Variants in SP100 observed in about 807,000 individuals in gnomAD.
SP100 encodes the protein SP100 nuclear body protein.
Under a neutral mutation model 130.0 loss-of-function variants are expected in SP100, and 84 were observed. The ratio of observed to expected loss-of-function variants is 0.65; its 90% CI spans 0.54 to 0.77. The LOEUF is 0.77. Among genes scored for constraint, SP100 ranks in the 30% least tolerant of loss-of-function variants. SP100 has a pLI of 0.00. For synonymous variants in SP100, 331 were observed against 351.7 expected, an observed-to-expected ratio of 0.94 and a Z score of 0.66; for missense variants, 978 against 1,052.2, an observed-to-expected ratio of 0.93 and a Z score of 0.97.
Position 230,464,136 on chromosome 2 carries a change from C to T in SP100, c.1127C>T (p.Pro376Leu), listed in dbSNP as rs1450944924. 2 of 1,607,510 alleles carry T rather than the reference C, an allele frequency of 1.2e-6. No homozygotes were observed. The highest frequency in any genetic ancestry group is 1.7e-6 in the Non-Finnish European group (2 of 1,174,092). Residue 376 changes from proline to leucine, a missense_variant, in exon 11 of 29, where the codon CCC becomes CTC. Physicochemically the swap from Pro to Leu is moderately conservative, Grantham distance 98. Coordinates refer to ENST00000340126, the MANE Select transcript of SP100 (RefSeq NM_001080391.2). ...KEGQEATCSR[P>L]QIVPEPMDFR... is the part of the protein sequence containing the mutation. The stretch of plus-strand genomic sequence containing the variant: ...GGCCAAGAAGCCACTTGCTCACGAC[C>T]CCAGATTGTACCAGGTAAGAATATT...
intron 24 of SP100, among the ~76,000 whole-genome samples, chr2:230,524,427 A>G (rs905682479): frequency 1.3e-5 from 2 of 151,856 alleles, no homozygotes; most frequent in Non-Finnish European, 2.9e-5. Flanking sequence ...CAAAATGATC[A>G]TTCTTTTAAT....
chr2:230,461,458 C>T, intron 9 of SP100, 44 bp downstream of exon 9: 1 of 1,601,776 alleles, frequency 6.2e-7, no homozygotes, highest in Non-Finnish European at 8.6e-7. Flanking sequence ...TCACAGGTTA[C>T]CAGGTAAGGG....
intron 13 of SP100, among the ~76,000 whole-genome samples, chr2:230,467,984 C>A (rs2065046146): frequency 6.6e-6 from 1 of 152,202 alleles, no homozygotes; most frequent in African/African-American, 2.4e-5. Context: ...AGATTCAATT[C>A]ATAGCTTTTG....
chr2:230,489,963 G>A (rs1316501436), intron 17 of SP100, among the ~76,000 whole-genome samples: 1 of 152,206 alleles, frequency 6.6e-6, no homozygotes, highest in Non-Finnish European at 1.5e-5. Context: ...TAAGTACCAT[G>A]TGACACTGAA....
At chr2:230,469,154 C>A in intron 14 of SP100, 58 bp downstream of exon 14, 1 of 1,071,740 alleles carries the variant, frequency 9.3e-7, no homozygotes, top group Non-Finnish European at 1.4e-6. Context: ...GCAAAAGCTA[C>A]ATTCACTTTT....
At chr2:230,469,909 C>G (rs1334124608) in intron 14 of SP100, 106 bp from the exon 15 acceptor site, 8 of 1,507,166 alleles carry the variant, frequency 5.3e-6, no homozygotes, top group Admixed American at 2.2e-5. Flanking sequence ...ACTATTTCTC[C>G]CCCTCCTCCA....
rs1165338209 is a variant in SP100, at chr2:230,542,003, C to T, written c.2515C>T (p.Leu839Phe). ...AGAAGGGTTTGTGCAGGACATGCGT[C>T]TCATCTTTCATAACCACAAGGAATT... ...RVEGFVQDMRLIFHNHKEFYR... is the reference protein window; with the variant it reads ...RVEGFVQDMRFIFHNHKEFYR... The change falls in exon 28 of 29, where the codon CTC becomes TTC. Residue 839 changes from leucine to phenylalanine, a missense_variant. By Grantham distance (22) the Leu-to-Phe change is conservative (BLOSUM62 0). Transcript: ENST00000340126. The T allele has an allele frequency of 6.2e-7, 1 of 1,614,042 alleles. No individual in the cohort carries two copies. The highest frequency in any genetic ancestry group is 1.7e-5 in the Admixed American group (1 of 60,016).
At chr2:230,491,659 G>T (rs1317832782) in intron 17 of SP100, among the ~76,000 whole-genome samples, 3 of 152,230 alleles carry the variant, frequency 2.0e-5, no homozygotes, top group Non-Finnish European at 2.9e-5. Context: ...GATCTTGTGA[G>T]AACTGACTAT....
At chr2:230,518,367 A>G (rs1033055161) in intron 24 of SP100, among the ~76,000 whole-genome samples, 2 of 151,964 alleles carry the variant, frequency 1.3e-5, no homozygotes, top group South Asian at 2.1e-4. Flanking sequence ...ATTTAGAATT[A>G]TATATATTAA....
chr2:230,435,017 C>G (rs1045246018), intron 2 of SP100, among the ~76,000 whole-genome samples: 6 of 152,146 alleles, frequency 3.9e-5, no homozygotes, highest in African/African-American at 1.4e-4. Flanking sequence ...TATTTCTATA[C>G]GATAGATTCC....
intron 13 of SP100, among the ~76,000 whole-genome samples, chr2:230,468,226 A>G (rs2065060340): frequency 6.6e-6 from 1 of 152,212 alleles, no homozygotes. Context: ...CTTAATAAAC[A>G]TTCATAATCC....
At chr2:230,431,246 C>T (rs1018870479) in intron 2 of SP100, among the ~76,000 whole-genome samples, 3 of 152,184 alleles carry the variant, frequency 2.0e-5, no homozygotes, top group Admixed American at 6.5e-5. Context: ...CCTCTGATTT[C>T]CTGTTTGTTT....
At chr2:230,514,996 T>A (rs1690822783) in intron 24 of SP100, 7 of 1,560,816 alleles carry the variant, frequency 4.5e-6, no homozygotes, top group Non-Finnish European at 6.0e-6. Context: ...GGCGACTCTG[T>A]ACCTTGCTGA....
At chr2:230,461,144 C>T (rs979226010) in intron 8 of SP100, 118 bp from the exon 9 acceptor site, 45 of 908,852 alleles carry the variant, frequency 5.0e-5, no homozygotes, top group East Asian at 5.2e-5. Flanking sequence ...AGGAAAAACA[C>T]GGAGGTGGGG....
chr2:230,449,017 A>G (rs2149921274), intron 5 of SP100, 71 bp from the exon 6 acceptor site: 1 of 972,054 alleles, frequency 1.0e-6, no homozygotes, highest in East Asian at 2.4e-5. Flanking sequence ...AGAGACCAAA[A>G]AGGGATTAGG....
chr2:230,458,254 AT>A (rs2149953193), intron 8 of SP100, among the ~76,000 whole-genome samples: 1 of 152,386 alleles, frequency 6.6e-6, no homozygotes, highest in South Asian at 2.1e-4. Flanking sequence ...TATGTGCTGT[AT>A]TCTCACAATG....
At position 230,460,914 on chromosome 2, in the gene SP100, C is replaced by T. The variant is rs1452979279; in HGVS notation, c.821-348C>T. Among the ~76,000 whole-genome samples the T allele has an allele frequency of 3.3e-4, 7 of 21,138 alleles. 3 individuals are homozygous for T. Among genetic ancestry groups the T allele is most frequent in the Admixed American group, 2.4e-3 (7 of 2,932 alleles). The allele number at this position is 21,138 out of a possible 152,430, so 13.9% of individuals were successfully genotyped here. A position where few individuals can be genotyped will look rare whatever the true frequency, so the allele number is the denominator to read the frequency against. ...CTGGGATTACAGGCGTGAGCCACCG[C>T]GCCCGGCCGGTAATCTGTTTCTTGA... On this transcript the variant is annotated intron_variant, in intron 8 of 28. Coordinates refer to ENST00000340126, the MANE Select transcript of SP100 (RefSeq NM_001080391.2).
chr2:230,462,499 A>G lies in SP100; in HGVS notation c.1038A>G (p.Ser346=), dbSNP rs2064710076. The G allele has an allele frequency of 6.2e-7, 1 of 1,613,394 alleles. No individual in the cohort carries two copies. Among genetic ancestry groups the G allele is most frequent in the African/African-American group, 1.3e-5 (1 of 74,976 alleles). ...ATGAGCCCTTAGAAGTCTTCATCTC[A>G]GCACCGAGAAGTGAGCCTGGTAAGG... is the stretch of plus-strand genomic sequence containing the variant. The part of the protein sequence containing the change: ...DVDEPLEVFI[S]APRSEPVINN... The change falls in exon 10 of 29, where the codon TCA becomes TCG. Residue 346 remains serine, a synonymous_variant. Transcript: ENST00000340126.
At chr2:230,417,831 A>T (rs113687476) in intron 2 of SP100, among the ~76,000 whole-genome samples, 166 bp downstream of exon 2, 210 of 151,546 alleles carry the variant, frequency 1.4e-3, no homozygotes, top group Non-Finnish European at 2.4e-3. Context: ...TTTTTTCGTG[A>T]TATGGGAGAA....
Sources: gnomAD v4.1 joint callset for allele counts (sites outside exome capture counted in the v4.1 genomes callset) on GRCh38, gnomAD v4.1.1 for gene constraint, MANE v1.5 for transcripts, NCBI Gene and HGNC (gene_info 2026-07-23, HGNC 2026-07-21) for gene names.